Variants in TP63 observed in about 807,000 individuals in gnomAD.
TP63 encodes tumor protein 63.
TP63 carries 17 observed loss-of-function variants against 82.8 expected under a neutral mutation model. That is an observed-to-expected ratio of 0.21 (90% confidence interval 0.14 to 0.31). TP63 has a LOEUF of 0.31. TP63 is among the 10% of genes least tolerant of loss of function. The probability of loss-of-function intolerance (pLI) is 1.00; values close to 1 mark genes in which losing one functional copy is unlikely to be tolerated. For synonymous variants in TP63, 330 were observed against 321.7 expected, an observed-to-expected ratio of 1.03 and a Z score of -0.28; for missense variants, 648 against 895.3, an observed-to-expected ratio of 0.72 and a Z score of 3.52.
At chr3:189,849,107 CAT>C (rs1382261917) in intron 4 of TP63, among the ~76,000 whole-genome samples, 2 of 152,208 alleles carry the variant, frequency 1.3e-5, no homozygotes, top group African/African-American at 2.4e-5. Flanking sequence ...GATAGTAAAA[CAT>C]GTGGAGAGTT....
At chr3:189,874,270 C>A (rs1577164193) in intron 10 of TP63, among the ~76,000 whole-genome samples, 1 of 152,244 alleles carries the variant, frequency 6.6e-6, no homozygotes, top group East Asian at 1.9e-4. Context: ...TGGGGTTTCA[C>A]CATGTTAGCC....
At chr3:189,761,529 T>A (rs149438436) in intron 3 of TP63, among the ~76,000 whole-genome samples, 25,269 of 152,120 alleles carry the variant, frequency 0.17, 2,537 homozygotes, top group Middle Eastern at 0.27. Context: ...ACCTTATTGT[T>A]CATATCACTA....
chr3:189,891,504 T>C (rs911386477), intron 13 of TP63, among the ~76,000 whole-genome samples: 1 of 152,226 alleles, frequency 6.6e-6, no homozygotes, highest in African/African-American at 2.4e-5. Context: ...TTTCTAATCA[T>C]TGGGCATTAT....
At chr3:189,806,081 A>G (rs1277945663) in intron 3 of TP63, among the ~76,000 whole-genome samples, 1 of 111,248 alleles carries the variant, frequency 9.0e-6, no homozygotes, top group African/African-American at 3.7e-5. Context: ...CCTTACACGG[A>G]ATTGTCCCTT....
At chr3:189,602,591 T>C in the TP63 span, among the ~76,000 whole-genome samples, 4 of 152,190 alleles carry the variant, frequency 2.6e-5, no homozygotes, top group African/African-American at 9.7e-5. Context: ...ATAATTAAAG[T>C]ATAATACACA....
intron 3 of TP63, among the ~76,000 whole-genome samples, chr3:189,804,824 C>T (rs779719706): frequency 2.2e-4 from 34 of 152,146 alleles, no homozygotes; most frequent in Non-Finnish European, 3.2e-4. Context: ...GAAAAGACAA[C>T]GGAGTATACT....
At chr3:189,740,883 A>AT (rs1384424808) in intron 3 of TP63, among the ~76,000 whole-genome samples, 7 of 152,212 alleles carry the variant, frequency 4.6e-5, no homozygotes, top group African/African-American at 1.7e-4. Flanking sequence ...TACCATTCAC[A>AT]TTTTTTCTCC....
At chr3:189,880,495 G>T in intron 10 of TP63, 1 of 1,017,790 alleles carries the variant, frequency 9.8e-7, no homozygotes, top group South Asian at 4.6e-5. Context: ...GGGGAAAGGG[G>T]CATTAAGATG....
chr3:189,769,258 C>T (rs935883580), intron 3 of TP63, among the ~76,000 whole-genome samples: 3 of 152,078 alleles, frequency 2.0e-5, no homozygotes, highest in Admixed American at 6.5e-5. Flanking sequence ...TATCATCTTC[C>T]GATACCTTGA....
At position 189,755,927 on chromosome 3, in the gene TP63, G is replaced by T. The variant is rs555188422; in HGVS notation, c.324+17153G>T. Among the ~76,000 whole-genome samples, 6 of 152,280 alleles carry T rather than the reference G, an allele frequency of 3.9e-5. No individual in the cohort carries two copies. The South Asian group carries it at 1.0e-3, about 26-fold the overall frequency. On this transcript the variant is annotated intron_variant, in intron 3 of 13. Coordinates refer to ENST00000264731, the MANE Select transcript of TP63 (RefSeq NM_003722.5). ...ACCTTTGATTGTGGTCTATGGAAGGGATAGTAGTTTTGGCTGGAGGTGAGT... is the reference window on the plus strand; with the variant it reads ...ACCTTTGATTGTGGTCTATGGAAGGTATAGTAGTTTTGGCTGGAGGTGAGT...
chr3:189,758,349 G>T (rs1722338063), intron 3 of TP63, among the ~76,000 whole-genome samples: 1 of 152,310 alleles, frequency 6.6e-6, no homozygotes, highest in Non-Finnish European at 1.5e-5. Flanking sequence ...ATTGGTACCA[G>T]TCCATGGAAT....
At chr3:189,607,471 GTTAT>G in the TP63 span, among the ~76,000 whole-genome samples, 1 of 152,024 alleles carries the variant, frequency 6.6e-6, no homozygotes, top group Non-Finnish European at 1.5e-5. Context: ...ATTCATTGCA[GTTAT>G]TTATTATTAC....
chr3:189,692,046 A>T (rs1447445035), intron 1 of TP63, among the ~76,000 whole-genome samples: 1 of 152,178 alleles, frequency 6.6e-6, no homozygotes, highest in Non-Finnish European at 1.5e-5. Flanking sequence ...TCATCTTCGG[A>T]AGCACCTATA....
chr3:189,612,002 G>A, the TP63 span, among the ~76,000 whole-genome samples: 1 of 152,128 alleles, frequency 6.6e-6, no homozygotes, highest in South Asian at 2.1e-4. Flanking sequence ...TGCTGAAGTT[G>A]TTTATTAGCT....
At chr3:189,634,848 T>C (rs1418729074) in intron 1 of TP63, among the ~76,000 whole-genome samples, 1 of 152,074 alleles carries the variant, frequency 6.6e-6, no homozygotes, top group African/African-American at 2.4e-5. Context: ...GAATCTAAAA[T>C]TTAACACTTC....
chr3:189,848,399 T>G (rs959923268), intron 4 of TP63, among the ~76,000 whole-genome samples: 1 of 151,600 alleles, frequency 6.6e-6, no homozygotes, highest in African/African-American at 2.4e-5. Context: ...TTTTTAATTT[T>G]GTATAGGCAG....
intron 4 of TP63, among the ~76,000 whole-genome samples, chr3:189,840,899 A>G (rs967242337): frequency 6.6e-6 from 1 of 151,736 alleles, no homozygotes. Context: ...AGGTTTCCCA[A>G]TAACCTTCTT....
At chr3:189,746,021 C>T (rs1721348057) in intron 3 of TP63, among the ~76,000 whole-genome samples, 2 of 151,396 alleles carry the variant, frequency 1.3e-5, no homozygotes, top group Non-Finnish European at 2.9e-5. Flanking sequence ...TAAAAATATC[C>T]CAAGTCTAGC....
At chr3:189,717,996 G>A (rs901301523) in intron 1 of TP63, among the ~76,000 whole-genome samples, 1 of 152,140 alleles carries the variant, frequency 6.6e-6, no homozygotes, top group Non-Finnish European at 1.5e-5. Context: ...ATTCAAGAAA[G>A]ATAACAACAT....
Sources: gnomAD v4.1 joint callset for allele counts (sites outside exome capture counted in the v4.1 genomes callset) on GRCh38, gnomAD v4.1.1 for gene constraint, MANE v1.5 for transcripts, NCBI Gene and HGNC (gene_info 2026-07-23, HGNC 2026-07-21) for gene names.